The following AK9 variants were observed in gnomAD, a reference collection of about 807,000 sequenced individuals.
AK9 encodes adenylate kinase 9.
In AK9, 191 loss-of-function variants were observed where a neutral mutation model predicts 239.6. The observed-to-expected ratio is 0.80, with a 90% CI of 0.71 to 0.90. AK9 has a LOEUF of 0.90. AK9 is among the 40% of genes least tolerant of loss of function. The probability of loss-of-function intolerance (pLI) is 0.00; values close to 1 mark genes in which losing one functional copy is unlikely to be tolerated. For synonymous variants in AK9, 689 were observed against 721.0 expected, an observed-to-expected ratio of 0.96 and a Z score of 0.71; for missense variants, 1,995 against 2,214.7, an observed-to-expected ratio of 0.90 and a Z score of 1.99.
chr6:109,616,993 C>T (rs974574485), intron 13 of AK9, among the ~76,000 whole-genome samples: 3 of 152,020 alleles, frequency 2.0e-5, no homozygotes, highest in Non-Finnish European at 4.4e-5. Context: ...AATCAAATAG[C>T]TTTCCAACAT....
At chr6:109,606,822 A>C (rs981389774) in intron 17 of AK9, among the ~76,000 whole-genome samples, 25 of 152,226 alleles carry the variant, frequency 1.6e-4, no homozygotes, top group Non-Finnish European at 2.9e-4. Flanking sequence ...GTATGAACAA[A>C]ATAATTTCTG....
chr6:109,670,275 T>G (rs1014117252), intron 5 of AK9, among the ~76,000 whole-genome samples: 2 of 152,184 alleles, frequency 1.3e-5, no homozygotes, highest in Non-Finnish European at 2.9e-5. Flanking sequence ...GGAATAACAA[T>G]TAATTTTTTA....
chr6:109,521,377 G>A (rs1367315064), intron 29 of AK9, among the ~76,000 whole-genome samples: 3 of 151,704 alleles, frequency 2.0e-5, no homozygotes, highest in East Asian at 1.9e-4. Context: ...TTTTGTAATC[G>A]AGTGCTTATA....
chr6:109,575,792 T>G (rs924863367), intron 20 of AK9, among the ~76,000 whole-genome samples: 4 of 152,242 alleles, frequency 2.6e-5, no homozygotes, highest in African/African-American at 9.6e-5. Flanking sequence ...TTTTTATGGT[T>G]TCAGGTCTTA....
At chr6:109,608,107 CT>C (rs1793127981) in intron 17 of AK9, among the ~76,000 whole-genome samples, 1 of 151,528 alleles carries the variant, frequency 6.6e-6, no homozygotes, top group Non-Finnish European at 1.5e-5. Context: ...GAAATTCCGT[CT>C]TTACTAAAAA....
intron 12 of AK9, among the ~76,000 whole-genome samples, chr6:109,630,461 C>A (rs1032354120): frequency 6.6e-6 from 1 of 152,110 alleles, no homozygotes; most frequent in African/African-American, 2.4e-5. Flanking sequence ...AGATAGAAGA[C>A]CTTGCTCTAC....
intron 24 of AK9, among the ~76,000 whole-genome samples, chr6:109,551,479 C>T (rs1784348370): frequency 6.8e-6 from 1 of 147,372 alleles, no homozygotes; most frequent in Non-Finnish European, 1.5e-5. Context: ...AGATGGCACA[C>T]TGCACTCCAG....
chr6:109,657,965 G>A (rs1326728799), intron 7 of AK9, among the ~76,000 whole-genome samples: 1 of 151,942 alleles, frequency 6.6e-6, no homozygotes, highest in Non-Finnish European at 1.5e-5. Flanking sequence ...TTTGACTTGA[G>A]CCATATTCTC....
rs140307356 is a variant in AK9 at position 109,639,159 on chromosome 6, A to G, written c.933+2359T>C. On this transcript the variant is annotated intron_variant, in intron 10 of 40. Coordinates refer to ENST00000424296, the MANE Select transcript of AK9 (RefSeq NM_001145128.3). Reference sequence around the variant, plus strand: ...TAGCCTGATTTCTAATCCTTTGGGTATATACCCAGTAATGGGATCTCTGGG... The same window carrying G: ...TAGCCTGATTTCTAATCCTTTGGGTGTATACCCAGTAATGGGATCTCTGGG... 1.6e-3 allele frequency among the ~76,000 whole-genome samples: 251 copies of G among 152,328 alleles called. 3 individuals are homozygous for G. The highest frequency in any genetic ancestry group is 0.015 in the Admixed American group (233 of 15,292).
chr6:109,519,515 T>G (rs1343430046), intron 29 of AK9, among the ~76,000 whole-genome samples: 1 of 152,080 alleles, frequency 6.6e-6, no homozygotes, highest in African/African-American at 2.4e-5. Context: ...CCATTCTAGG[T>G]CAGGCATGGT....
At chr6:109,533,548 T>A in intron 27 of AK9, 78 bp from the exon 28 acceptor site, 1 of 1,193,634 alleles carries the variant, frequency 8.4e-7, no homozygotes, top group Non-Finnish European at 1.2e-6. Context: ...ACTGTAATGA[T>A]CATTATACAA....
At chr6:109,666,461 A>G (rs1011858789) in intron 5 of AK9, among the ~76,000 whole-genome samples, 6 of 152,148 alleles carry the variant, frequency 3.9e-5, no homozygotes, top group African/African-American at 1.4e-4. Context: ...ACGATGGAGG[A>G]GTGGCGCACC....
chr6:109,583,380 C>T (rs1186477718), intron 19 of AK9, among the ~76,000 whole-genome samples: 1 of 152,110 alleles, frequency 6.6e-6, no homozygotes, highest in Non-Finnish European at 1.5e-5. Context: ...GAAACTGATG[C>T]TGGAAAAGTT....
intron 10 of AK9, among the ~76,000 whole-genome samples, chr6:109,639,454 T>A (rs1393740634): frequency 6.6e-6 from 1 of 151,520 alleles, no homozygotes; most frequent in Non-Finnish European, 1.5e-5. Flanking sequence ...TGTCTTCTTT[T>A]GAGAAGTGTC....
chr6:109,564,954 T>C, intron 21 of AK9, 109 bp from the exon 22 acceptor site: 1 of 809,244 alleles, frequency 1.2e-6, no homozygotes, highest in Non-Finnish European at 1.8e-6. Flanking sequence ...GTATATGAAA[T>C]GCCTAATAGA....
At chr6:109,586,659 T>C (rs2128213667) in intron 17 of AK9, among the ~76,000 whole-genome samples, 1 of 152,190 alleles carries the variant, frequency 6.6e-6, no homozygotes, top group Non-Finnish European at 1.5e-5. Flanking sequence ...CATTTCTCAG[T>C]GTGAGAGCTA....
chr6:109,591,347 G>A (rs556579102), intron 17 of AK9, among the ~76,000 whole-genome samples: 1 of 151,660 alleles, frequency 6.6e-6, no homozygotes, highest in East Asian at 1.9e-4. Context: ...ACTCCTATTT[G>A]CTTTTGGTTT....
intron 1 of AK9, among the ~76,000 whole-genome samples, chr6:109,679,521 G>T (rs956275292): frequency 1.3e-5 from 2 of 152,056 alleles, no homozygotes; most frequent in Non-Finnish European, 2.9e-5. Flanking sequence ...GTGGCTGTGC[G>T]CACAGCTTCA....
intron 9 of AK9, among the ~76,000 whole-genome samples, chr6:109,642,648 T>G (rs540471988): frequency 6.6e-5 from 10 of 152,226 alleles, no homozygotes; most frequent in South Asian, 4.2e-4. Context: ...TCTGGCCATA[T>G]TTTGAAGGAG....
Sources: allele counts gnomAD v4.1 joint callset (sites outside exome capture counted in the v4.1 genomes callset), GRCh38; gene constraint gnomAD v4.1.1; transcripts MANE v1.5; gene names NCBI Gene and HGNC (gene_info 2026-07-23, HGNC 2026-07-21).